Variants in EYA1 observed in about 807,000 individuals in gnomAD.
The protein encoded by EYA1 is protein phosphatase EYA1.
Under a neutral mutation model 82.0 loss-of-function variants are expected in EYA1, and 16 were observed. That is an observed-to-expected ratio of 0.20 (90% CI 0.13 to 0.30). The LOEUF (loss-of-function observed/expected upper bound fraction) is 0.30, where lower values mean the gene tolerates loss of function less well. EYA1 is among the 10% of genes least tolerant of loss of function. The probability of loss-of-function intolerance (pLI) is 1.00; values close to 1 mark genes in which losing one functional copy is unlikely to be tolerated. For missense variants in EYA1, 633 were observed against 730.7 expected, an observed-to-expected ratio of 0.87 and a Z score of 1.54; for synonymous variants, 261 against 264.4, an observed-to-expected ratio of 0.99 and a Z score of 0.12.
At chr8:71,330,860 T>TGC (rs538091738) in intron 4 of EYA1, among the ~76,000 whole-genome samples, 19,251 of 152,016 alleles carry the variant, frequency 0.13, 1,573 homozygotes, top group South Asian at 0.18. Context: ...CTTGTGTGTG[T>TGC]GTGTGTGTGT....
chr8:71,406,756 C>G (rs1240234785), intron 2 of EYA1, among the ~76,000 whole-genome samples: 1 of 150,640 alleles, frequency 6.6e-6, no homozygotes, highest in Non-Finnish European at 1.5e-5. Flanking sequence ...GCTAGCACAG[C>G]AGTCTGAGAT....
chr8:71,307,988 A>G (rs1820912965), intron 7 of EYA1, among the ~76,000 whole-genome samples: 1 of 152,226 alleles, frequency 6.6e-6, no homozygotes, highest in African/African-American at 2.4e-5. Context: ...GAGTACATTT[A>G]TAGTTCAATC....
At chr8:71,439,833 T>C (rs1173343795) in intron 2 of EYA1, among the ~76,000 whole-genome samples, 2 of 152,186 alleles carry the variant, frequency 1.3e-5, no homozygotes, top group African/African-American at 4.8e-5. Flanking sequence ...CAACTAGCTG[T>C]GGGACTTAGC....
At chr8:71,207,273 G>A (rs748532226) in intron 17 of EYA1, among the ~76,000 whole-genome samples, 2 of 152,162 alleles carry the variant, frequency 1.3e-5, no homozygotes, top group African/African-American at 2.4e-5. Context: ...TTTTGTGAAT[G>A]ATTAGATCCT....
At chr8:71,257,563 G>A (rs1814590338) in intron 11 of EYA1, among the ~76,000 whole-genome samples, 1 of 152,144 alleles carries the variant, frequency 6.6e-6, no homozygotes, top group Non-Finnish European at 1.5e-5. Flanking sequence ...TTGAAAAGAA[G>A]GTGCTAGGGC....
In EYA1 at chr8:71,303,578, G is replaced by A. The variant is rs540501863; in HGVS notation, c.557-3858C>T. ...GGCTCAAGCAATATTAATTTTTCAC[G>A]ACCAGAATCAAGTTCGCAGGGCCGC... On this transcript the variant is annotated intron_variant, in intron 7 of 17. Transcript: ENST00000340726. Among the ~76,000 whole-genome samples, 10 of 140,136 alleles carry A rather than the reference G, an allele frequency of 7.1e-5. No homozygotes were observed. The South Asian group carries it at 2.1e-3, about 29-fold the overall frequency. The allele number at this position is 140,136 out of a possible 152,430, so 91.9% of individuals were successfully genotyped here.
chr8:71,337,060 C>G (rs926387134), intron 3 of EYA1, among the ~76,000 whole-genome samples: 1 of 152,150 alleles, frequency 6.6e-6, no homozygotes, highest in African/African-American at 2.4e-5. Flanking sequence ...CTAGCACCAC[C>G]ACATTTATAA....
chr8:71,402,211 G>T (rs940440184), intron 2 of EYA1, among the ~76,000 whole-genome samples: 4 of 152,140 alleles, frequency 2.6e-5, no homozygotes, highest in African/African-American at 9.7e-5. Flanking sequence ...ACAAGTTTGT[G>T]GTCTGCTTCC....
intron 2 of EYA1, among the ~76,000 whole-genome samples, chr8:71,448,263 T>C (rs1807061862): frequency 6.6e-6 from 1 of 152,154 alleles, no homozygotes; most frequent in African/African-American, 2.4e-5. Flanking sequence ...TAGGCTGATG[T>C]AATATTCTAA....
intron 2 of EYA1, among the ~76,000 whole-genome samples, chr8:71,488,211 T>G (rs560497366): frequency 1.3e-5 from 2 of 151,750 alleles, no homozygotes; most frequent in African/African-American, 4.8e-5. Context: ...AGGATAAATA[T>G]ACATCAATGA....
intron 2 of EYA1, among the ~76,000 whole-genome samples, chr8:71,397,880 G>A (rs1292813979): frequency 6.6e-6 from 1 of 152,178 alleles, no homozygotes; most frequent in Non-Finnish European, 1.5e-5. Flanking sequence ...ATCCTGCAGA[G>A]TGTTTTCCAA....
At chr8:71,357,497 A>G (rs1827005363) in intron 1 of EYA1, among the ~76,000 whole-genome samples, 1 of 152,230 alleles carries the variant, frequency 6.6e-6, no homozygotes, top group South Asian at 2.1e-4. Context: ...GTAGGAGAGC[A>G]TTCTGCAAAA....
chr8:71,245,522 G>A (rs938789653), intron 11 of EYA1, among the ~76,000 whole-genome samples: 20 of 146,744 alleles, frequency 1.4e-4, no homozygotes, highest in African/African-American at 1.8e-4. Flanking sequence ...CACTGCGCCC[G>A]GCCTAAGTGA....
intron 2 of EYA1, among the ~76,000 whole-genome samples, chr8:71,388,249 ATAAGT>A (rs1309561224): frequency 1.3e-5 from 2 of 152,202 alleles, no homozygotes; most frequent in Admixed American, 6.5e-5. Context: ...AAGTGGTCAA[ATAAGT>A]TAAGGGTTGA....
intron 2 of EYA1, among the ~76,000 whole-genome samples, chr8:71,371,748 GAAGAT>G (rs374955566): frequency 1.3e-5 from 2 of 151,964 alleles, no homozygotes; most frequent in African/African-American, 4.8e-5. Context: ...AGAAATAAGA[GAAGAT>G]ACTGAAGCCA....
chr8:71,209,387 T>C (rs1426974126), intron 17 of EYA1, among the ~76,000 whole-genome samples: 1 of 152,222 alleles, frequency 6.6e-6, no homozygotes, highest in African/African-American at 2.4e-5. Flanking sequence ...ACTGCTTAAA[T>C]GGCAAATGCT....
intron 2 of EYA1, among the ~76,000 whole-genome samples, chr8:71,495,966 C>T (rs1811380850): frequency 6.6e-6 from 1 of 152,152 alleles, no homozygotes; most frequent in African/African-American, 2.4e-5. Context: ...CAAAGTTTTG[C>T]AAAAGGTTGG....
intron 11 of EYA1, among the ~76,000 whole-genome samples, chr8:71,265,851 A>G (rs1308462133): frequency 3.9e-5 from 6 of 152,196 alleles, no homozygotes; most frequent in Non-Finnish European, 8.8e-5. Context: ...AAGCTCTTCA[A>G]TTTCCTAACA....
chr8:71,289,049 A>T (rs77798100), intron 9 of EYA1, among the ~76,000 whole-genome samples: 9,003 of 152,228 alleles, frequency 0.059, 356 homozygotes, highest in African/African-American at 0.11. Context: ...GTGTTCATCA[A>T]CCATGAGCTG....
Sources: gnomAD v4.1 joint callset for allele counts (sites outside exome capture counted in the v4.1 genomes callset) on GRCh38, gnomAD v4.1.1 for gene constraint, MANE v1.5 for transcripts, NCBI Gene and HGNC (gene_info 2026-07-23, HGNC 2026-07-21) for gene names.